GRHL2: variants seen among roughly 807,000 people sequenced by gnomAD.
The protein encoded by GRHL2 is grainyhead-like protein 2 homolog.
In GRHL2, 21 loss-of-function variants were observed where a neutral mutation model predicts 83.8. The ratio of observed to expected loss-of-function variants is 0.25; its 90% confidence interval spans 0.18 to 0.36. GRHL2 has a LOEUF of 0.36. Among genes scored for constraint, GRHL2 ranks in the 10% least tolerant of loss-of-function variants. The probability of loss-of-function intolerance (pLI) is 1.00; values close to 1 mark genes in which losing one functional copy is unlikely to be tolerated. For synonymous variants in GRHL2, 280 were observed against 278.9 expected (o/e 1.00, Z -0.04); for missense variants, 623 against 781.8 (o/e 0.80, Z 2.42).
chr8:101,589,665 G>A lies in GRHL2; in HGVS notation c.1004-9392G>A, dbSNP rs536063240. On this transcript the variant is annotated intron_variant, in intron 7 of 15. Coordinates refer to ENST00000646743, the MANE Select transcript of GRHL2 (RefSeq NM_024915.4). ...ATCAAGCACATGTAAAATATTAGATGTAGCCTAAAGAGAAAGTTCTAAGAA... is the reference window on the plus strand; with the variant it reads ...ATCAAGCACATGTAAAATATTAGATATAGCCTAAAGAGAAAGTTCTAAGAA... Among the ~76,000 whole-genome samples the A allele has an allele frequency of 3.9e-4, 59 of 152,280 alleles. 1 individual carries two copies. In the South Asian group the frequency reaches 7.7e-3, roughly 20 times the overall value.
intron 1 of GRHL2, among the ~76,000 whole-genome samples, chr8:101,511,114 T>G (rs2130007536): frequency 6.6e-6 from 1 of 151,994 alleles, no homozygotes; most frequent in South Asian, 2.1e-4. Flanking sequence ...AAAAAAAAAT[T>G]TTTTTTCACT....
intron 1 of GRHL2, among the ~76,000 whole-genome samples, chr8:101,542,196 A>G (rs1811167519): frequency 6.6e-6 from 1 of 152,228 alleles, no homozygotes; most frequent in African/African-American, 2.4e-5. Context: ...GATTACATTC[A>G]ATGTCTTACA....
At chr8:101,569,536 C>T (rs754424733) in intron 4 of GRHL2, among the ~76,000 whole-genome samples, 5 of 152,196 alleles carry the variant, frequency 3.3e-5, no homozygotes, top group Non-Finnish European at 7.3e-5. Context: ...GTGACGTGAT[C>T]GTAGCTCACT....
chr8:101,573,922 T>C, intron 6 of GRHL2, 98 bp downstream of exon 6: 2 of 1,336,944 alleles, frequency 1.5e-6, no homozygotes, highest in Non-Finnish European at 2.1e-6. Context: ...AAATAAAACC[T>C]TCAACATAAA....
intron 1 of GRHL2, among the ~76,000 whole-genome samples, chr8:101,495,909 C>A (rs11988846): frequency 0.015 from 2,336 of 152,132 alleles, 25 homozygotes; most frequent in Middle Eastern, 0.075. Flanking sequence ...AGCACTTTGG[C>A]AGGCCGAGGC....
intron 1 of GRHL2, among the ~76,000 whole-genome samples, chr8:101,534,012 T>G (rs1247973773): frequency 1.3e-5 from 2 of 152,192 alleles, no homozygotes; most frequent in African/African-American, 4.8e-5. Flanking sequence ...GATGTGATTT[T>G]GTTTCAATGG....
chr8:101,578,005 G>A (rs996614004), intron 7 of GRHL2, among the ~76,000 whole-genome samples: 7 of 152,252 alleles, frequency 4.6e-5, no homozygotes, highest in East Asian at 3.9e-4. Flanking sequence ...AGGTGGTCAC[G>A]CAAGTGAACC....
the GRHL2 span, among the ~76,000 whole-genome samples, chr8:101,677,620 A>G: frequency 6.6e-6 from 1 of 152,136 alleles, no homozygotes; most frequent in African/African-American, 2.4e-5. Flanking sequence ...AATAAGAGTT[A>G]GAAGGCCCCA....
intron 1 of GRHL2, among the ~76,000 whole-genome samples, chr8:101,539,540 T>A (rs576646634): frequency 6.6e-6 from 1 of 152,214 alleles, no homozygotes; most frequent in Non-Finnish European, 1.5e-5. Flanking sequence ...GAGGCCTCAT[T>A]ATAGAACCTC....
intron 1 of GRHL2, among the ~76,000 whole-genome samples, chr8:101,531,670 C>G (rs1269623039): frequency 7.7e-4 from 117 of 152,194 alleles, no homozygotes; most frequent in Non-Finnish European, 1.2e-4. Flanking sequence ...CTTCCTTTCA[C>G]TTTCTATTGT....
At chr8:101,511,210 T>G (rs1194427604) in intron 1 of GRHL2, among the ~76,000 whole-genome samples, 1 of 152,194 alleles carries the variant, frequency 6.6e-6, no homozygotes, top group Non-Finnish European at 1.5e-5. Context: ...ACTTCATTTT[T>G]TGGGTTGCAT....
chr8:101,597,464 A>T (rs1475942750), intron 7 of GRHL2, among the ~76,000 whole-genome samples: 3 of 152,176 alleles, frequency 2.0e-5, no homozygotes, highest in Non-Finnish European at 4.4e-5. Context: ...GATTAAGAAA[A>T]TGTGGCACAT....
intron 14 of GRHL2, among the ~76,000 whole-genome samples, chr8:101,657,955 A>ATTGT (rs1185439326): frequency 6.6e-6 from 1 of 152,144 alleles, no homozygotes. Flanking sequence ...AGAAGGAAGG[A>ATTGT]TTGTTGTGTG....
rs143076037 is a variant in GRHL2 at position 101,667,256 on chromosome 8, G to A, written c.*553G>A. On this transcript the variant is annotated 3_prime_UTR_variant, in exon 16 of 16. Coordinates refer to ENST00000646743, the MANE Select transcript of GRHL2 (RefSeq NM_024915.4). The stretch of plus-strand genomic sequence containing the variant: ...TTGCTAAATACCTCCAGGGTTCCCA[G>A]CAAGTGGCCACCAGGCCTTGTACAG... 47 of 184,292 alleles carry A rather than the reference G, an allele frequency of 2.6e-4. No homozygotes were observed. Among genetic ancestry groups the A allele is most frequent in the Admixed American group, 2.0e-3 (38 of 18,786 alleles). 11.4% of individuals were successfully genotyped at this position (184,292 alleles called of 1,614,324 possible).
At chr8:101,531,560 ACACACACACACAC>A (rs1165827741) in intron 1 of GRHL2, among the ~76,000 whole-genome samples, 3 of 151,706 alleles carry the variant, frequency 2.0e-5, no homozygotes, top group Non-Finnish European at 2.9e-5. Context: ...TTTGATTTAC[ACACACACACACAC>A]CACACACACA....
the GRHL2 span, among the ~76,000 whole-genome samples, chr8:101,675,560 G>C: frequency 6.6e-6 from 1 of 151,852 alleles, no homozygotes. Context: ...AAATAAAAGA[G>C]GATACAAACA....
At chr8:101,543,663 G>T in intron 2 of GRHL2, 1 of 561,510 alleles carries the variant, frequency 1.8e-6, no homozygotes. Flanking sequence ...AATATTTTTT[G>T]TGTTCCTTGT....
intron 1 of GRHL2, among the ~76,000 whole-genome samples, chr8:101,539,464 G>GT (rs1280493385): frequency 6.6e-6 from 1 of 152,086 alleles, no homozygotes; most frequent in African/African-American, 2.4e-5. Context: ...CTAATCAATC[G>GT]TGGGGGGCCG....
Position 101,669,443 on chromosome 8 carries a change from C to A in GRHL2, c.*2740C>A, listed in dbSNP as rs1433268279. ...TGTCCCTGCCCAGAAACTTAGGAAGCATGAAATAAATCAAATGTTTATTTT... is the reference window on the plus strand; with the variant it reads ...TGTCCCTGCCCAGAAACTTAGGAAGAATGAAATAAATCAAATGTTTATTTT... On this transcript the variant is annotated 3_prime_UTR_variant, in exon 16 of 16. Transcript: ENST00000646743. The A allele has an allele frequency of 6.6e-6, 1 of 152,264 alleles. No individual in the cohort carries two copies. The highest frequency in any genetic ancestry group is 2.4e-5 in the African/African-American group (1 of 41,348). The allele number at this position is 152,264 out of a possible 1,614,324, so 9.4% of individuals were successfully genotyped here.
Sources: allele counts gnomAD v4.1 joint callset (sites outside exome capture counted in the v4.1 genomes callset), GRCh38; gene constraint gnomAD v4.1.1; transcripts MANE v1.5; gene names NCBI Gene and HGNC (gene_info 2026-07-23, HGNC 2026-07-21).